ERCC6: variants seen among roughly 807,000 people sequenced by gnomAD.
ERCC6 encodes ERCC excision repair 6, chromatin remodeling factor.
In ERCC6, 116 loss-of-function variants were observed where a neutral mutation model predicts 158.7. The ratio of observed to expected loss-of-function variants is 0.73; its 90% confidence interval spans 0.63 to 0.85. ERCC6 has a LOEUF of 0.85. Ranked by LOEUF, ERCC6 falls within the 40% of genes least tolerant of loss-of-function variation. The pLI, the probability that ERCC6 is intolerant of heterozygous loss-of-function variation, is 0.00. For synonymous variants in ERCC6, 678 were observed against 659.3 expected (o/e 1.03, Z -0.43); for missense variants, 1,698 against 1,799.4 (o/e 0.94, Z 1.02).
At chr10:49,495,983 G>A (rs573686469) in intron 7 of ERCC6, among the ~76,000 whole-genome samples, 5 of 152,260 alleles carry the variant, frequency 3.3e-5, no homozygotes, top group East Asian at 1.9e-4. Flanking sequence ...CGTGGCCTAC[G>A]AGGCCACGAA....
rs575385106 is a variant in ERCC6, at chr10:49,478,570, A to G, written c.2170-100T>C. On this transcript the variant is annotated intron_variant, in intron 10 of 20. Transcript: ENST00000355832. ...TCCATTCCTTAAAAAAAAAAAAAGAATAACCAACAGCTGTATAAAGTCAGT... is the reference window on the plus strand; with the variant it reads ...TCCATTCCTTAAAAAAAAAAAAAGAGTAACCAACAGCTGTATAAAGTCAGT... The G allele has an allele frequency of 1.3e-5, 10 of 797,492 alleles. No individual in the cohort carries two copies. The African/African-American group carries it at 1.5e-4, about 12-fold the overall frequency. 49.4% of individuals were successfully genotyped at this position (797,492 alleles called of 1,614,324 possible).
intron 2 of ERCC6, among the ~76,000 whole-genome samples, chr10:49,531,807 C>G (rs1837475142): frequency 6.6e-6 from 1 of 152,176 alleles, no homozygotes; most frequent in Non-Finnish European, 1.5e-5. Context: ...GCTCCATCCT[C>G]CATCCCGTTC....
intron 18 of ERCC6, among the ~76,000 whole-genome samples, chr10:49,467,878 T>G (rs932735): frequency 0.41 from 61,624 of 151,960 alleles, 13,882 homozygotes; most frequent in Non-Finnish European, 0.5. Context: ...AGTAATTTTT[T>G]ATTGGGTTCC....
Position 49,474,110 on chromosome 10 carries a change from C to T in ERCC6, c.2515G>A (p.Gly839Arg). The change falls in exon 13 of 21, where the codon GGG becomes AGG. Residue 839 changes from glycine to arginine, a missense_variant. Coordinates refer to ENST00000355832, the MANE Select transcript of ERCC6 (RefSeq NM_000124.4). ...AAAGACTCAACAACAATCATTTTCC[C>T]AGAACGTTTCCAGTACCCAAACTGA... is the stretch of plus-strand genomic sequence containing the variant. ...EDQFGYWKRS[G>R]KMIVVESLLK... 6.2e-7 allele frequency: 1 copy of T among 1,614,130 alleles called. No individual in the cohort carries two copies. The highest frequency in any genetic ancestry group is 8.5e-7 in the Non-Finnish European group (1 of 1,180,030).
At chr10:49,517,475 G>C (rs1262978532) in intron 5 of ERCC6, among the ~76,000 whole-genome samples, 1 of 152,154 alleles carries the variant, frequency 6.6e-6, no homozygotes, top group Admixed American at 6.5e-5. Flanking sequence ...TGAAAAATCA[G>C]ACCTTGGCAA....
Position 49,471,055 on chromosome 10 carries a change from T to A in ERCC6, c.2990A>T (p.Lys997Ile), listed in dbSNP as rs766459533. The stretch of plus-strand genomic sequence containing the variant: ...AAATAGCTCATAGAGATCATTGGAT[T>A]TGAAAAACCGCCTTTGTTTTGGGTC... ...LKDPKQRRFFKSNDLYELFTL... is the reference protein window; with the variant it reads ...LKDPKQRRFFISNDLYELFTL... Residue 997 changes from lysine (K) to isoleucine (I), a missense_variant, in exon 17 of 21, where the codon AAA (lysine) becomes ATA (isoleucine). Transcript: ENST00000355832. 6 of 1,614,106 alleles carry A rather than the reference T, an allele frequency of 3.7e-6. No homozygotes were observed. The highest frequency in any genetic ancestry group is 5.1e-6 in the Non-Finnish European group (6 of 1,180,000).
At chr10:49,523,400 T>C (rs997318492) in intron 5 of ERCC6, among the ~76,000 whole-genome samples, 1 of 152,198 alleles carries the variant, frequency 6.6e-6, no homozygotes, top group Non-Finnish European at 1.5e-5. Context: ...CTTTATACAA[T>C]GACAATGTCA....
At chr10:49,464,451 C>T (rs1177271752) in intron 18 of ERCC6, among the ~76,000 whole-genome samples, 5 of 152,200 alleles carry the variant, frequency 3.3e-5, no homozygotes, top group Non-Finnish European at 7.3e-5. Context: ...AAAGAAAACC[C>T]CATTTTCTCA....
rs1837449774 is a variant in ERCC6 at position 49,530,738 on chromosome 10, T to C, written c.525A>G (p.Lys175=). The C allele has an allele frequency of 1.9e-6, 3 of 1,613,646 alleles. No homozygotes were observed. Among genetic ancestry groups the C allele is most frequent in the South Asian group, 1.1e-5 (1 of 91,060 alleles). Residue 175 remains lysine (K), a synonymous_variant, in exon 3 of 21, where the codon AAA becomes AAG. Transcript: ENST00000355832. ...RDINRKLDSV[K]RQKYNKEQQL... ...GAATCACCTTATTATACTTCTGTCG[T>C]TTTACAGAATCTAGTTTCCTGTTGA...
At chr10:49,478,895 T>A (rs1248432311) in intron 10 of ERCC6, among the ~76,000 whole-genome samples, 1 of 152,160 alleles carries the variant, frequency 6.6e-6, no homozygotes, top group Non-Finnish European at 1.5e-5. Flanking sequence ...ACAAAGGAAC[T>A]CTGCAAAGCT....
At chr10:49,514,863 T>C (rs1836900363) in intron 5 of ERCC6, among the ~76,000 whole-genome samples, 1 of 152,228 alleles carries the variant, frequency 6.6e-6, no homozygotes, top group Non-Finnish European at 1.5e-5. Context: ...ATTGAGATAC[T>C]TGGTGTTTTA....
chr10:49,517,517 CA>C (rs1404514243), intron 5 of ERCC6, among the ~76,000 whole-genome samples: 1 of 152,208 alleles, frequency 6.6e-6, no homozygotes, highest in Non-Finnish European at 1.5e-5. Flanking sequence ...GAATAACTCC[CA>C]CATGCTTAGC....
intron 10 of ERCC6, among the ~76,000 whole-genome samples, chr10:49,481,618 C>T (rs1850981326): frequency 6.6e-6 from 1 of 152,186 alleles, no homozygotes; most frequent in Admixed American, 6.5e-5. Context: ...ACCCAGGCTG[C>T]AGCCTGCCAT....
chr10:49,497,501 T>C (rs1265322794), intron 7 of ERCC6, among the ~76,000 whole-genome samples: 3 of 152,272 alleles, frequency 2.0e-5, no homozygotes, highest in Non-Finnish European at 4.4e-5. Flanking sequence ...TATATTCTTC[T>C]GGCTGAACAT....
At chr10:49,452,557 G>A (rs766575447), downstream of ERCC6, among the ~76,000 whole-genome samples, 18 of 152,112 alleles carry the variant, frequency 1.2e-4, no homozygotes, top group South Asian at 2.1e-4. Flanking sequence ...ATGCTGTAGC[G>A]CTTGGGTGAA....
At position 49,475,401 on chromosome 10, in the gene ERCC6, T is replaced by A. The variant is rs993773622; in HGVS notation, c.2382+814A>T. The A allele has an allele frequency of 8.6e-5, 39 of 450,876 alleles. No individual in the cohort carries two copies. The Admixed American group carries it at 8.9e-4, about 10-fold the overall frequency. The allele number at this position is 450,876 out of a possible 1,614,324, so 27.9% of individuals were successfully genotyped here. On this transcript the variant is annotated intron_variant, in intron 12 of 20. Transcript: ENST00000355832. The stretch of plus-strand genomic sequence containing the variant: ...CAAGTGTAGTTTGCATTCCCTTTCC[T>A]GGATAGTGTGATCTAGACCCCCTAA...
At chr10:49,447,815 T>C in the ERCC6 span, among the ~76,000 whole-genome samples, 22 of 152,226 alleles carry the variant, frequency 1.4e-4, no homozygotes, top group Non-Finnish European at 3.1e-4. Context: ...GTATTTTATA[T>C]AAATGGTATC....
At chr10:49,479,107 C>T (rs556916966) in intron 10 of ERCC6, among the ~76,000 whole-genome samples, 29 of 150,350 alleles carry the variant, frequency 1.9e-4, no homozygotes, top group South Asian at 4.2e-4. Flanking sequence ...ACTAAATATA[C>T]GCAAAAAAAA....
intron 11 of ERCC6, among the ~76,000 whole-genome samples, chr10:49,477,529 A>T (rs1220682716): frequency 1.3e-5 from 2 of 152,190 alleles, no homozygotes; most frequent in Admixed American, 1.3e-4. Flanking sequence ...CCACTGAGGC[A>T]TCACTCATGA....
Sources: allele counts gnomAD v4.1 joint callset (sites outside exome capture counted in the v4.1 genomes callset), GRCh38; gene constraint gnomAD v4.1.1; transcripts MANE v1.5; gene names NCBI Gene and HGNC (gene_info 2026-07-23, HGNC 2026-07-21).